SAMHD1: variants seen among roughly 807,000 people sequenced by gnomAD.
SAMHD1 encodes deoxynucleoside triphosphate triphosphohydrolase SAMHD1.
In SAMHD1, 54 loss-of-function variants were observed where a neutral mutation model predicts 79.6. That is an observed-to-expected ratio of 0.68 (90% CI 0.55 to 0.85). The LOEUF is 0.85. Among genes scored for constraint, SAMHD1 ranks in the 40% least tolerant of loss-of-function variants. The probability of loss-of-function intolerance (pLI) is 0.00; values close to 1 mark genes in which losing one functional copy is unlikely to be tolerated. For synonymous variants in SAMHD1, 260 were observed against 264.1 expected (o/e 0.98, Z 0.15); for missense variants, 663 against 782.7 (o/e 0.85, Z 1.82).
intron 11 of SAMHD1, among the ~76,000 whole-genome samples, chr20:36,907,493 A>G (rs2063411721): frequency 6.6e-6 from 1 of 151,876 alleles, no homozygotes; most frequent in African/African-American, 2.4e-5. Flanking sequence ...AGTCTCTTGA[A>G]CAGCTGGGAC....
intron 9 of SAMHD1, among the ~76,000 whole-genome samples, chr20:36,915,329 C>T (rs8113979): frequency 0.048 from 7,351 of 152,214 alleles, 582 homozygotes; most frequent in African/African-American, 0.17. Flanking sequence ...CACAGCAAGA[C>T]CCTGTCTGGA....
rs781256664 is a variant in SAMHD1 at position 36,904,229 on chromosome 20, T to C, written c.1431A>G (p.Pro477=). Residue 477 remains proline (P), a synonymous_variant, in exon 13 of 16, where the codon CCA becomes CCG. Transcript: ENST00000646673. Reference sequence around the variant, plus strand: ...TGGGTTTAGCACTGGCAACCTCTTTTGGAAGAGATTCATAGTCCTCCTGGA... The same window carrying C: ...TGGGTTTAGCACTGGCAACCTCTTTCGGAAGAGATTCATAGTCCTCCTGGA... ...KIKREDYESL[P]KEVASAKPKV... The C allele has an allele frequency of 1.2e-6, 2 of 1,612,984 alleles. No homozygotes were observed. The highest frequency in any genetic ancestry group is 1.7e-6 in the Non-Finnish European group (2 of 1,178,966).
intron 5 of SAMHD1, among the ~76,000 whole-genome samples, chr20:36,927,967 C>G (rs903671012): frequency 7.2e-5 from 11 of 152,204 alleles, no homozygotes; most frequent in African/African-American, 2.7e-4. Context: ...GCTGGGACTA[C>G]AAGCATGCAC....
At chr20:36,947,551 GGTGTGTGTGTGT>G (rs71186095) in intron 1 of SAMHD1, among the ~76,000 whole-genome samples, 33,931 of 75,488 alleles carry the variant, frequency 0.45, 5,468 homozygotes, top group South Asian at 0.63. Context: ...TTGGAAGAGG[GGTGTGTGTGTGT>G]GTGTGTGTGT....
At chr20:36,917,796 T>C (rs2063484972) in intron 7 of SAMHD1, among the ~76,000 whole-genome samples, 1 of 152,174 alleles carries the variant, frequency 6.6e-6, no homozygotes, top group African/African-American at 2.4e-5. Flanking sequence ...AGCTCCACTT[T>C]TTTGGAAATA....
rs576908715 is a variant in SAMHD1, at chr20:36,916,666, C to T, written c.1062+56G>A. ...ATTCCAAATTGTTAAATGGTTATTTCCAAATTTCAGACCAGGAACAACATT... is the reference window on the plus strand; with the variant it reads ...ATTCCAAATTGTTAAATGGTTATTTTCAAATTTCAGACCAGGAACAACATT... On this transcript the variant is annotated intron_variant, in intron 9 of 15. Transcript: ENST00000646673. 349 of 1,240,822 alleles carry T rather than the reference C, an allele frequency of 2.8e-4. 2 individuals are homozygous for T. Among genetic ancestry groups the T allele is most frequent in the Non-Finnish European group, 3.4e-4 (283 of 839,702 alleles). The allele number at this position is 1,240,822 out of a possible 1,614,324, so 76.9% of individuals were successfully genotyped here.
At chr20:36,894,318 C>T (rs1051610797) in intron 15 of SAMHD1, 1 of 156,916 alleles carries the variant, frequency 6.4e-6, no homozygotes, top group Non-Finnish European at 1.4e-5. Flanking sequence ...CTCACTGCAA[C>T]CTCCACCTCC....
At chr20:36,946,826 T>C in intron 1 of SAMHD1, 22 bp from the exon 2 acceptor site, 4 of 1,572,886 alleles carry the variant, frequency 2.5e-6, no homozygotes, top group Non-Finnish European at 2.6e-6. Context: ...AAAAGACAAA[T>C]TCAATGTATA....
chr20:36,905,549 A>T (rs1326162562), intron 11 of SAMHD1, 46 bp from the exon 12 acceptor site: 1 of 1,488,458 alleles, frequency 6.7e-7, no homozygotes, highest in Non-Finnish European at 9.3e-7. Context: ...AAAAACACAG[A>T]GTTAAAGAAT....
rs1052500632 is a variant in SAMHD1 at position 36,891,931 on chromosome 20, G to A, written c.*1001C>T. On this transcript the variant is annotated 3_prime_UTR_variant, in exon 16 of 16. Coordinates refer to ENST00000646673, the MANE Select transcript of SAMHD1 (RefSeq NM_015474.4). ...AGGTCTGAGGAGCTCTGAGGATGAT[G>A]CCTGTGATGGCCTCTGGCCAGCTCT... is the stretch of plus-strand genomic sequence containing the variant. 4 of 152,422 alleles carry A rather than the reference G, an allele frequency of 2.6e-5. No homozygotes were observed. The highest frequency in any genetic ancestry group is 7.2e-5 in the African/African-American group (3 of 41,462). The allele number at this position is 152,422 out of a possible 1,614,324, so 9.4% of individuals were successfully genotyped here. A position where few individuals can be genotyped will look rare whatever the true frequency, so the allele number is the denominator to read the frequency against.
At chr20:36,918,835 A>G (rs1393860437) in intron 7 of SAMHD1, among the ~76,000 whole-genome samples, 1 of 149,734 alleles carries the variant, frequency 6.7e-6, no homozygotes, top group Non-Finnish European at 1.5e-5. Context: ...GAAAGAAAGA[A>G]AGAAAAGAAA....
At chr20:36,919,925 T>C (rs548345996) in intron 6 of SAMHD1, among the ~76,000 whole-genome samples, 6 of 152,252 alleles carry the variant, frequency 3.9e-5, no homozygotes, top group African/African-American at 1.4e-4. Context: ...AAGGGGTAAC[T>C]GCAAACTTGC....
intron 2 of SAMHD1, among the ~76,000 whole-genome samples, chr20:36,946,119 C>T (rs764415911): frequency 1.2e-4 from 19 of 152,062 alleles, no homozygotes; most frequent in Admixed American, 5.9e-4. Flanking sequence ...CCCATCTCTA[C>T]TAAAAGTACA....
At chr20:36,947,350 T>TGTG (rs1568785869) in intron 1 of SAMHD1, among the ~76,000 whole-genome samples, 1 of 114,720 alleles carries the variant, frequency 8.7e-6, no homozygotes, top group African/African-American at 3.3e-5. Context: ...TGTGTGTGTG[T>TGTG]CCTGGGAAAG....
intron 1 of SAMHD1, among the ~76,000 whole-genome samples, chr20:36,947,440 G>GTGTGTC (rs2063697839): frequency 9.7e-6 from 1 of 103,390 alleles, no homozygotes; most frequent in African/African-American, 3.7e-5. Context: ...GTGTGTGTGT[G>GTGTGTC]TCCTGGGAAA....
At chr20:36,940,961 T>C (rs746355396) in intron 3 of SAMHD1, 78 bp downstream of exon 3, 4 of 1,100,392 alleles carry the variant, frequency 3.6e-6, no homozygotes, top group Non-Finnish European at 1.4e-6. Context: ...TTCCTCCTAT[T>C]CTCTTCAAAA....
At chr20:36,927,392 A>G (rs2063543801) in intron 5 of SAMHD1, 140 bp from the exon 6 acceptor site, 1 of 708,084 alleles carries the variant, frequency 1.4e-6, no homozygotes, top group Non-Finnish European at 2.4e-6. Context: ...ATCTTGGCTC[A>G]ACACAATCTC....
Position 36,913,472 on chromosome 20 carries a change from G to A in SAMHD1, c.1063-920C>T, listed in dbSNP as rs1282483971. Among the ~76,000 whole-genome samples, 7 of 151,068 alleles carry A rather than the reference G, an allele frequency of 4.6e-5. No homozygotes were observed. The East Asian group carries it at 1.2e-3, about 26-fold the overall frequency. The stretch of plus-strand genomic sequence containing the variant: ...ACAAAAATTAGCCGGGCATGATGGC[G>A]GGTGCCTGTAATCCCAGCTACTAGG... On this transcript the variant is annotated intron_variant, in intron 9 of 15. Coordinates refer to ENST00000646673, the MANE Select transcript of SAMHD1 (RefSeq NM_015474.4).
Position 36,930,804 on chromosome 20 carries a change from C to T in SAMHD1, c.581G>A (p.Arg194Gln), listed in dbSNP as rs746801947. The T allele has an allele frequency of 2.0e-5, 33 of 1,613,796 alleles. 1 individual carries two copies. The highest frequency in any genetic ancestry group is 2.5e-5 in the Non-Finnish European group (30 of 1,179,874). The change falls in exon 5 of 16, where the codon CGA becomes CAA. Residue 194 changes from arginine to glutamine, a missense_variant. By Grantham distance (43) the Arg-to-Gln change is conservative (BLOSUM62 1). Transcript: ENST00000646673. ...AGCAATCTGAACACAGAGAACATCT[C>T]GTTCACTTATCTGCAGCTCTGGTTG... The part of the protein sequence containing the change: ...EKQPELQISE[R>Q]DVLCVQIAGL...
Sources: allele counts gnomAD v4.1 joint callset (sites outside exome capture counted in the v4.1 genomes callset), GRCh38; gene constraint gnomAD v4.1.1; transcripts MANE v1.5; gene names NCBI Gene and HGNC (gene_info 2026-07-23, HGNC 2026-07-21).